The following NCK1 variants were observed in gnomAD, a reference collection of about 807,000 sequenced individuals.
The protein encoded by NCK1 is SH2/SH3 adapter protein NCK1.
NCK1 carries 19 observed loss-of-function variants against 36.6 expected under a neutral mutation model. The observed-to-expected ratio is 0.52, with a 90% confidence interval of 0.36 to 0.76. The LOEUF (loss-of-function observed/expected upper bound fraction) is 0.76. Among genes scored for constraint, NCK1 ranks in the 30% least tolerant of loss-of-function variants. The pLI, the probability that NCK1 is intolerant of heterozygous loss-of-function variation, is 0.00. For missense variants in NCK1, 358 were observed against 445.6 expected (o/e 0.80, Z 1.77); for synonymous variants, 165 against 156.0 (o/e 1.06, Z -0.43).
chr3:136,928,135 T>A lies in NCK1; in HGVS notation c.134T>A (p.Met45Lys). The A allele has an allele frequency of 6.2e-7, 1 of 1,614,110 alleles. No homozygotes were observed. Among genetic ancestry groups the A allele is most frequent in the Non-Finnish European group, 8.5e-7 (1 of 1,180,020 alleles). ...TCCTGGTGGCGAGTTCGAAATTCCA[T>A]GAATAAAACAGGTTTTGTGCCTTCT... ...SKSWWRVRNS[M>K]NKTGFVPSNY... Residue 45 changes from methionine to lysine, a missense_variant, in exon 2 of 4, where the codon ATG (methionine) becomes AAG (lysine). Met to Lys is a moderately conservative substitution (Grantham distance 95, BLOSUM62 -1). Around this residue, in one of 3 missense-constraint regions of NCK1, gnomAD observed 143 missense variants for 162.4 expected, o/e 0.88. Transcript: ENST00000481752.
Position 136,878,067 on chromosome 3 carries a change from G to A in NCK1, c.-19+15714G>A, listed in dbSNP as rs1442724219. Among the ~76,000 whole-genome samples, 3 of 152,234 alleles carry A rather than the reference G, an allele frequency of 2.0e-5. No individual in the cohort carries two copies. In the South Asian group the frequency reaches 6.2e-4, roughly 32 times the overall value. On this transcript the variant is annotated intron_variant, in intron 1 of 3. Transcript: ENST00000481752. The stretch of plus-strand genomic sequence containing the variant: ...GCTGTGAAAGAAGCCAGTCACAAAC[G>A]ACCACAGTATTGTATGATACATGCT...
chr3:136,888,693 C>A (rs1451649640), intron 1 of NCK1, among the ~76,000 whole-genome samples: 2 of 152,038 alleles, frequency 1.3e-5, no homozygotes, highest in Non-Finnish European at 2.9e-5. Context: ...CAAAGCAATG[C>A]CATACTCATT....
rs1468940354 is a variant in NCK1, at chr3:136,862,316, T to G, written c.-56T>G. 1 of 152,852 alleles carries G rather than the reference T, an allele frequency of 6.5e-6. No homozygotes were observed. The highest frequency in any genetic ancestry group is 2.4e-5 in the African/African-American group (1 of 41,472). The allele number at this position is 152,852 out of a possible 1,614,324, so 9.5% of individuals were successfully genotyped here. On this transcript the variant is annotated 5_prime_UTR_variant, in exon 1 of 4. Coordinates refer to ENST00000481752, the MANE Select transcript of NCK1 (RefSeq NM_001291999.2). ...CCGCAGTGGCGTCCTGGAGCCCTCC[T>G]CAGGTGAGCTGGAGCTGCCCGGCTC... is the stretch of plus-strand genomic sequence containing the variant.
At chr3:136,869,755 T>C (rs924365217) in intron 1 of NCK1, among the ~76,000 whole-genome samples, 1 of 152,220 alleles carries the variant, frequency 6.6e-6, no homozygotes, top group African/African-American at 2.4e-5. Flanking sequence ...AAAATCTCTC[T>C]GTGGAGGGAA....
At chr3:136,901,848 A>T (rs1341476823) in intron 1 of NCK1, among the ~76,000 whole-genome samples, 1 of 152,016 alleles carries the variant, frequency 6.6e-6, no homozygotes, top group Non-Finnish European at 1.5e-5. Context: ...TGTGCTTTTT[A>T]AAAAAGTCGT....
chr3:136,914,628 T>A (rs1939913276), intron 1 of NCK1, among the ~76,000 whole-genome samples: 1 of 152,236 alleles, frequency 6.6e-6, no homozygotes, highest in Non-Finnish European at 1.5e-5. Context: ...AGCTTTTATC[T>A]TCAGTTAGCA....
intron 1 of NCK1, among the ~76,000 whole-genome samples, chr3:136,863,957 C>T (rs944897627): frequency 6.6e-6 from 1 of 151,042 alleles, no homozygotes; most frequent in Non-Finnish European, 1.5e-5. Flanking sequence ...AAAAAGTAGC[C>T]GGGCGTGGTG....
chr3:136,864,761 C>CTTT (rs747974189), intron 1 of NCK1, among the ~76,000 whole-genome samples: 4 of 108,624 alleles, frequency 3.7e-5, no homozygotes, highest in South Asian at 2.9e-4. Context: ...TTTTTCTTTT[C>CTTT]TTTTTTTTTT....
chr3:136,948,529 G>A lies in NCK1; in HGVS notation c.*76G>A, dbSNP rs547570469. The A allele has an allele frequency of 3.4e-4, 441 of 1,289,044 alleles. 3 individuals are homozygous for A. In the South Asian group the frequency reaches 5.9e-3, roughly 17 times the overall value. 79.9% of individuals were successfully genotyped at this position (1,289,044 alleles called of 1,614,324 possible). On this transcript the variant is annotated 3_prime_UTR_variant, in exon 4 of 4. Transcript: ENST00000481752. ...GAAGACTGAGAAAATGTTGGGTCCA[G>A]TCGTGCTTGATTGGAAATTGTTGTT...
intron 2 of NCK1, among the ~76,000 whole-genome samples, chr3:136,932,312 AT>A (rs1940413984): frequency 6.6e-6 from 1 of 152,026 alleles, no homozygotes; most frequent in Non-Finnish European, 1.5e-5. Flanking sequence ...GCAACCCCAA[AT>A]TTTTATTTAT....
intron 2 of NCK1, among the ~76,000 whole-genome samples, chr3:136,929,473 C>T (rs932890382): frequency 6.6e-6 from 1 of 152,166 alleles, no homozygotes; most frequent in Middle Eastern, 3.4e-3. Context: ...TTTTTAAATA[C>T]TTTTGGGTTT....
At chr3:136,942,946 C>G (rs1940714777) in intron 2 of NCK1, among the ~76,000 whole-genome samples, 1 of 152,188 alleles carries the variant, frequency 6.6e-6, no homozygotes, top group African/African-American at 2.4e-5. Context: ...AAGTTGAAAC[C>G]CACAATCACA....
At chr3:136,919,366 T>A (rs888661652) in intron 1 of NCK1, among the ~76,000 whole-genome samples, 7 of 152,054 alleles carry the variant, frequency 4.6e-5, no homozygotes, top group Non-Finnish European at 7.4e-5. Context: ...AGCAAAAAAA[T>A]ATATGGCCCT....
In NCK1 at chr3:136,928,043, G is replaced by A. The variant is rs753683359; in HGVS notation, c.42G>A (p.Val14=). 32 of 1,613,970 alleles carry A rather than the reference G, an allele frequency of 2.0e-5. No homozygotes were observed. The highest frequency in any genetic ancestry group is 2.6e-5 in the Non-Finnish European group (31 of 1,180,008). Residue 14 remains valine, a synonymous_variant, in exon 2 of 4, where the codon GTG becomes GTA. Coordinates refer to ENST00000481752, the MANE Select transcript of NCK1 (RefSeq NM_001291999.2). ...TGGTAGTAGCCAAATTTGATTATGTGGCCCAACAAGAACAAGAGTTGGACA... is the reference window on the plus strand; with the variant it reads ...TGGTAGTAGCCAAATTTGATTATGTAGCCCAACAAGAACAAGAGTTGGACA... ...EVVVVAKFDY[V]AQQEQELDIK...
chr3:136,884,972 C>T (rs559299634), intron 1 of NCK1, among the ~76,000 whole-genome samples: 55 of 151,900 alleles, frequency 3.6e-4, no homozygotes, highest in African/African-American at 1.2e-3. Context: ...CTGCCCACCT[C>T]GGCCTCCCAA....
intron 1 of NCK1, among the ~76,000 whole-genome samples, chr3:136,874,699 G>T (rs1434403915): frequency 6.6e-6 from 1 of 151,888 alleles, no homozygotes; most frequent in Non-Finnish European, 1.5e-5. Flanking sequence ...CCCTTTCCAT[G>T]AATCATATAG....
chr3:136,902,680 A>G (rs899196104), intron 1 of NCK1, among the ~76,000 whole-genome samples: 2 of 147,450 alleles, frequency 1.4e-5, no homozygotes, highest in African/African-American at 2.5e-5. Context: ...AATCACTCCT[A>G]TTTAACACAG....
At chr3:136,886,142 A>T (rs1298928505) in intron 1 of NCK1, among the ~76,000 whole-genome samples, 2 of 152,208 alleles carry the variant, frequency 1.3e-5, no homozygotes, top group Non-Finnish European at 2.9e-5. Context: ...CTTAAGATGG[A>T]AGCATGGGTT....
intron 1 of NCK1, among the ~76,000 whole-genome samples, chr3:136,910,783 C>T (rs1374605492): frequency 1.3e-5 from 2 of 152,006 alleles, no homozygotes; most frequent in African/African-American, 2.4e-5. Context: ...ATTTTCATAA[C>T]GAGACATTTA....
Sources: gnomAD v4.1 joint callset for allele counts (sites outside exome capture counted in the v4.1 genomes callset) on GRCh38, gnomAD v4.1.1 for gene constraint, gnomAD v4.1.1 regional missense constraint, MANE v1.5 for transcripts, NCBI Gene and HGNC (gene_info 2026-07-23, HGNC 2026-07-21) for gene names.